Variants in TSPAN5 observed in about 807,000 individuals in gnomAD.
TSPAN5 encodes tetraspanin-5.
TSPAN5 carries 10 observed loss-of-function variants against 37.1 expected under a neutral mutation model. The observed-to-expected ratio is 0.27, with a 90% CI of 0.17 to 0.46. The LOEUF is 0.46. Ranked by LOEUF, TSPAN5 falls within the 20% of genes least tolerant of loss-of-function variation. The pLI is 1.00. For synonymous variants in TSPAN5, 110 were observed against 118.9 expected (o/e 0.93, Z 0.48); for missense variants, 195 against 326.6 (o/e 0.60, Z 3.11).
chr4:98,573,693 T>G (rs1755173776), intron 1 of TSPAN5, among the ~76,000 whole-genome samples: 1 of 152,236 alleles, frequency 6.6e-6, no homozygotes, highest in South Asian at 2.1e-4. Flanking sequence ...ACTGATCTTC[T>G]CACATCACCC....
chr4:98,599,027 A>G (rs920776568), intron 1 of TSPAN5, among the ~76,000 whole-genome samples: 1 of 152,242 alleles, frequency 6.6e-6, no homozygotes, highest in Non-Finnish European at 1.5e-5. Flanking sequence ...CTTTCTGAAA[A>G]TAACACACAA....
intron 1 of TSPAN5, among the ~76,000 whole-genome samples, chr4:98,614,818 T>C (rs1266762217): frequency 1.3e-5 from 2 of 152,196 alleles, no homozygotes; most frequent in African/African-American, 4.8e-5. Flanking sequence ...TCTCTGTGAC[T>C]AAACGTACAA....
chr4:98,473,360 C>T (rs542460051), intron 7 of TSPAN5, among the ~76,000 whole-genome samples: 2 of 152,056 alleles, frequency 1.3e-5, no homozygotes, highest in Non-Finnish European at 2.9e-5. Context: ...CTTTTTTATT[C>T]TAACCGCTTT....
At chr4:98,651,208 T>C (rs2110291154) in intron 1 of TSPAN5, among the ~76,000 whole-genome samples, 1 of 152,286 alleles carries the variant, frequency 6.6e-6, no homozygotes, top group East Asian at 1.9e-4. Flanking sequence ...GTACTATTCC[T>C]ACCAAAGATG....
intron 2 of TSPAN5, among the ~76,000 whole-genome samples, chr4:98,488,795 G>T (rs1753027059): frequency 6.6e-6 from 1 of 152,318 alleles, no homozygotes; most frequent in Non-Finnish European, 1.5e-5. Context: ...GCTCACACCT[G>T]TAATCCCAAC....
intron 1 of TSPAN5, among the ~76,000 whole-genome samples, chr4:98,645,836 T>C (rs1757055622): frequency 1.3e-5 from 2 of 152,344 alleles, no homozygotes; most frequent in South Asian, 4.2e-4. Flanking sequence ...TGACTTTAAA[T>C]ACGCTTCTGT....
At chr4:98,618,386 A>C (rs1478280415) in intron 1 of TSPAN5, among the ~76,000 whole-genome samples, 1 of 152,218 alleles carries the variant, frequency 6.6e-6, no homozygotes, top group Non-Finnish European at 1.5e-5. Context: ...ACCAGAATAA[A>C]ATCAAGCATT....
At chr4:98,542,350 T>C (rs1463089873) in intron 1 of TSPAN5, among the ~76,000 whole-genome samples, 1 of 152,164 alleles carries the variant, frequency 6.6e-6, no homozygotes, top group Non-Finnish European at 1.5e-5. Flanking sequence ...AAGCATTATA[T>C]AAAATCAATT....
At chr4:98,653,266 C>T (rs767556071) in intron 1 of TSPAN5, among the ~76,000 whole-genome samples, 6 of 152,114 alleles carry the variant, frequency 3.9e-5, no homozygotes, top group South Asian at 2.1e-4. Context: ...CCTCCCCCAC[C>T]GCCCCAAGGT....
At chr4:98,567,615 C>T (rs559418392) in intron 1 of TSPAN5, among the ~76,000 whole-genome samples, 3 of 152,066 alleles carry the variant, frequency 2.0e-5, no homozygotes, top group Non-Finnish European at 2.9e-5. Context: ...GGGATGTAAT[C>T]GCAGATGGGT....
intron 1 of TSPAN5, among the ~76,000 whole-genome samples, chr4:98,542,298 T>A (rs1161403582): frequency 6.6e-6 from 1 of 152,222 alleles, no homozygotes; most frequent in African/African-American, 2.4e-5. Flanking sequence ...TCCTTTCAAA[T>A]CTTTTTGTGC....
intron 1 of TSPAN5, among the ~76,000 whole-genome samples, chr4:98,603,516 C>A (rs1172664771): frequency 6.6e-6 from 1 of 152,196 alleles, no homozygotes; most frequent in African/African-American, 2.4e-5. Context: ...GGAAGAAAAA[C>A]AAAATCAGTG....
intron 1 of TSPAN5, among the ~76,000 whole-genome samples, chr4:98,586,866 C>G (rs1398331445): frequency 6.6e-6 from 1 of 152,214 alleles, no homozygotes. Flanking sequence ...CATATTCCCA[C>G]CAAGCCAGCG....
intron 1 of TSPAN5, among the ~76,000 whole-genome samples, chr4:98,638,517 T>C (rs1034343397): frequency 1.3e-5 from 2 of 152,340 alleles, no homozygotes; most frequent in African/African-American, 2.4e-5. Flanking sequence ...ACACCGGCAT[T>C]TGGTTTCTTT....
intron 3 of TSPAN5, 199 bp downstream of exon 3, chr4:98,486,539 G>A (rs747929306): frequency 8.0e-5 from 45 of 559,476 alleles, no homozygotes; most frequent in Non-Finnish European, 1.1e-4. Context: ...GTGGGGTGGT[G>A]GGGGTGGTGT....
At chr4:98,591,077 G>GT (rs550920505) in intron 1 of TSPAN5, among the ~76,000 whole-genome samples, 6,580 of 137,970 alleles carry the variant, frequency 0.048, 342 homozygotes, top group African/African-American at 0.14. Context: ...TTGTTTTTTT[G>GT]TTTTTTTTTT....
intron 1 of TSPAN5, among the ~76,000 whole-genome samples, chr4:98,609,815 C>A (rs1756137929): frequency 6.6e-6 from 1 of 152,022 alleles, no homozygotes; most frequent in African/African-American, 2.4e-5. Flanking sequence ...CTGGGAGAGA[C>A]CAGGGGAGAC....
At chr4:98,657,346 C>T (rs1253460422) in intron 1 of TSPAN5, among the ~76,000 whole-genome samples, 1 of 150,968 alleles carries the variant, frequency 6.6e-6, no homozygotes, top group African/African-American at 2.5e-5. Context: ...AAACATGCCT[C>T]GCACACCTTC....
chr4:98,493,448 C>A (rs575324808), intron 2 of TSPAN5, among the ~76,000 whole-genome samples: 2 of 152,224 alleles, frequency 1.3e-5, no homozygotes, highest in African/African-American at 4.8e-5. Context: ...AGCAGAGTAA[C>A]GGGCCACACA....
Sources: gnomAD v4.1 joint callset for allele counts (sites outside exome capture counted in the v4.1 genomes callset) on GRCh38, gnomAD v4.1.1 for gene constraint, MANE v1.5 for transcripts, NCBI Gene and HGNC (gene_info 2026-07-23, HGNC 2026-07-21) for gene names.